SH3GL3: variants seen among roughly 807,000 people sequenced by gnomAD.
SH3GL3 encodes the protein SH3 domain containing GRB2 like 3, endophilin A3, also known as endophilin-A3.
In SH3GL3, 33 loss-of-function variants were observed where a neutral mutation model predicts 47.7. The observed-to-expected ratio is 0.69, with a 90% confidence interval of 0.52 to 0.92. The LOEUF (loss-of-function observed/expected upper bound fraction) is 0.92. SH3GL3 is among the 40% of genes least tolerant of loss of function. The probability of loss-of-function intolerance (pLI) is 0.00; values close to 1 mark genes in which losing one functional copy is unlikely to be tolerated. For synonymous variants in SH3GL3, 155 were observed against 148.8 expected (o/e 1.04, Z -0.30); for missense variants, 363 against 417.8 (o/e 0.87, Z 1.14).
At chr15:83,576,553 T>C in intron 5 of SH3GL3, 30 bp from the exon 6 acceptor site, 2 of 1,569,962 alleles carry the variant, frequency 1.3e-6, no homozygotes, top group Non-Finnish European at 1.7e-6. Flanking sequence ...ATGTAGCACC[T>C]CTCTGAGGGA....
chr15:83,490,820 C>A (rs2041842936), intron 1 of SH3GL3: 2 of 1,613,932 alleles, frequency 1.2e-6, no homozygotes, highest in African/African-American at 2.7e-5. Context: ...TCTCTTAAAT[C>A]AGAAGATGAA....
chr15:83,521,392 A>G (rs1027814595), intron 1 of SH3GL3, among the ~76,000 whole-genome samples: 1 of 152,180 alleles, frequency 6.6e-6, no homozygotes, highest in Non-Finnish European at 1.5e-5. Context: ...ACAAAAGGGA[A>G]GAGGTGGCAA....
chr15:83,475,292 A>G (rs1255585443), intron 1 of SH3GL3, among the ~76,000 whole-genome samples: 3 of 151,998 alleles, frequency 2.0e-5, no homozygotes, highest in Admixed American at 2.0e-4. Context: ...AGCTTCGCCA[A>G]CATAGTAAAA....
chr15:83,631,073 G>T, the SH3GL3 span, among the ~76,000 whole-genome samples: 1 of 152,048 alleles, frequency 6.6e-6, no homozygotes. Context: ...AAAACAAAGG[G>T]GCTACAGGAC....
intron 1 of SH3GL3, among the ~76,000 whole-genome samples, chr15:83,494,615 T>G (rs1191566442): frequency 6.6e-6 from 1 of 151,786 alleles, no homozygotes; most frequent in East Asian, 1.9e-4. Flanking sequence ...TCATCTTGGC[T>G]CACTGCAACC....
chr15:83,534,994 G>T (rs1009685132), intron 1 of SH3GL3, among the ~76,000 whole-genome samples: 1 of 152,026 alleles, frequency 6.6e-6, no homozygotes, highest in Non-Finnish European at 1.5e-5. Flanking sequence ...GGAATGGAGG[G>T]AACTTTACTT....
the SH3GL3 span, among the ~76,000 whole-genome samples, chr15:83,631,783 G>A: frequency 6.6e-6 from 1 of 152,194 alleles, no homozygotes; most frequent in African/African-American, 2.4e-5. Context: ...TGATGGGAGG[G>A]GCTGCCATGA....
intron 8 of SH3GL3, among the ~76,000 whole-genome samples, chr15:83,593,759 G>A (rs939542020): frequency 1.3e-5 from 2 of 152,030 alleles, no homozygotes; most frequent in Non-Finnish European, 2.9e-5. Flanking sequence ...TCTGATTTTA[G>A]GGGAGAAGCA....
intron 1 of SH3GL3, among the ~76,000 whole-genome samples, chr15:83,464,754 A>G (rs982899352): frequency 1.3e-5 from 2 of 152,050 alleles, no homozygotes; most frequent in Non-Finnish European, 2.9e-5. Context: ...CTCTGCTACT[A>G]TCACCTTGGT....
intron 1 of SH3GL3, among the ~76,000 whole-genome samples, chr15:83,556,373 G>T (rs996805952): frequency 2.0e-5 from 3 of 152,190 alleles, no homozygotes; most frequent in Admixed American, 2.0e-4. Context: ...AAGCAGAAAC[G>T]AATGATCATG....
At chr15:83,608,272 A>G (rs1274631256) in intron 8 of SH3GL3, among the ~76,000 whole-genome samples, 3 of 152,226 alleles carry the variant, frequency 2.0e-5, no homozygotes, top group African/African-American at 7.2e-5. Flanking sequence ...TTTACTTAGT[A>G]GTGCACAACT....
chr15:83,628,482 C>T, the SH3GL3 span, among the ~76,000 whole-genome samples: 6 of 152,264 alleles, frequency 3.9e-5, no homozygotes, highest in South Asian at 8.3e-4. Flanking sequence ...GTGGCTCACA[C>T]CTGTAATCCC....
chr15:83,564,288 A>G (rs753755936), intron 2 of SH3GL3, among the ~76,000 whole-genome samples: 14 of 152,218 alleles, frequency 9.2e-5, no homozygotes, highest in Non-Finnish European at 2.1e-4. Flanking sequence ...TGAATTTTGC[A>G]TGTTAATTTG....
At chr15:83,505,687 C>T (rs1257019569) in intron 1 of SH3GL3, among the ~76,000 whole-genome samples, 2 of 151,980 alleles carry the variant, frequency 1.3e-5, no homozygotes, top group Non-Finnish European at 2.9e-5. Flanking sequence ...CCACCACACT[C>T]AGCTAATTTT....
intron 1 of SH3GL3, among the ~76,000 whole-genome samples, chr15:83,519,379 T>C (rs2043116875): frequency 6.6e-6 from 1 of 152,216 alleles, no homozygotes; most frequent in African/African-American, 2.4e-5. Flanking sequence ...CGTAGACATA[T>C]TTCACTTCCT....
At chr15:83,579,743 G>T (rs1024994579) in intron 6 of SH3GL3, among the ~76,000 whole-genome samples, 1 of 152,140 alleles carries the variant, frequency 6.6e-6, no homozygotes, top group Admixed American at 6.5e-5. Context: ...CAGGTTTATA[G>T]CTGAGGAGAC....
intron 8 of SH3GL3, among the ~76,000 whole-genome samples, chr15:83,608,375 C>T (rs2060582725): frequency 6.6e-6 from 1 of 152,152 alleles, no homozygotes; most frequent in Non-Finnish European, 1.5e-5. Flanking sequence ...GGATCTGAAG[C>T]TTCTGTCCAG....
intron 8 of SH3GL3, among the ~76,000 whole-genome samples, chr15:83,591,894 T>TGGCCAGGCTGGTCTC (rs1567020111): frequency 4.0e-5 from 6 of 150,952 alleles, no homozygotes; most frequent in African/African-American, 9.7e-5. Context: ...ACTGCGGTGT[T>TGGCCAGGCTGGTCTC]GATCTCCTGA....
At chr15:83,564,116 C>A (rs2045421541) in intron 2 of SH3GL3, among the ~76,000 whole-genome samples, 1 of 152,076 alleles carries the variant, frequency 6.6e-6, no homozygotes, top group Admixed American at 6.5e-5. Flanking sequence ...CTTCCCACTC[C>A]AGTATTTCAA....
Sources: gnomAD v4.1 joint callset for allele counts (sites outside exome capture counted in the v4.1 genomes callset) on GRCh38, gnomAD v4.1.1 for gene constraint, MANE v1.5 for transcripts, NCBI Gene and HGNC (gene_info 2026-07-23, HGNC 2026-07-21) for gene names.